Variants in CAST observed in about 807,000 individuals in gnomAD.
The protein encoded by CAST is calpastatin, also known as MIR583 host.
A neutral mutation model predicts 119.6 loss-of-function variants in CAST; 76 were observed. The observed-to-expected ratio is 0.64, with a 90% CI of 0.53 to 0.77. The LOEUF (loss-of-function observed/expected upper bound fraction) is 0.77, where lower values mean the gene tolerates loss of function less well. CAST is among the 30% of genes least tolerant of loss of function. The probability of loss-of-function intolerance (pLI) is 0.00; values close to 1 mark genes in which losing one functional copy is unlikely to be tolerated. For synonymous variants in CAST, 319 were observed against 331.6 expected, an observed-to-expected ratio of 0.96 and a Z score of 0.41; for missense variants, 953 against 946.5, an observed-to-expected ratio of 1.01 and a Z score of -0.09.
In CAST at chr5:96,726,708, T is replaced by C; in HGVS notation, c.271-86T>C. 6 of 870,424 alleles carry C rather than the reference T, an allele frequency of 6.9e-6. No individual in the cohort carries two copies. In the South Asian group the frequency reaches 9.6e-5, roughly 14 times the overall value. The allele number at this position is 870,424 out of a possible 1,614,324, so 53.9% of individuals were successfully genotyped here. ...ATGCAATAGATGAATAGAATTGATA[T>C]AATCATTTTAACCCTTTTTGTACAT... On this transcript the variant is annotated intron_variant, in intron 4 of 31. Coordinates refer to ENST00000675179, the MANE Select transcript of CAST (RefSeq NM_001750.7).
the CAST span, among the ~76,000 whole-genome samples, chr5:96,474,271 G>T: frequency 4.6e-5 from 7 of 152,096 alleles, no homozygotes; most frequent in African/African-American, 1.7e-4. Flanking sequence ...TGCCACCACA[G>T]CTAAGCACTG....
the CAST span, among the ~76,000 whole-genome samples, chr5:96,199,446 A>G: frequency 5.9e-5 from 9 of 152,186 alleles, no homozygotes; most frequent in Admixed American, 3.9e-4. Flanking sequence ...GACCGAACAC[A>G]GCTTAAATAT....
the CAST span, among the ~76,000 whole-genome samples, chr5:96,223,000 A>T: frequency 6.6e-6 from 1 of 152,254 alleles, no homozygotes; most frequent in East Asian, 1.9e-4. Context: ...AGTGAAATAA[A>T]CCAGGCATGG....
At chr5:96,559,931 G>A (rs1194085639) in intron 1 of CAST, among the ~76,000 whole-genome samples, 8 of 152,166 alleles carry the variant, frequency 5.3e-5, no homozygotes, top group South Asian at 4.1e-4. Flanking sequence ...AGCTGGAGGC[G>A]TCACACTACC....
At chr5:96,508,872 T>C in the CAST span, among the ~76,000 whole-genome samples, 7 of 152,336 alleles carry the variant, frequency 4.6e-5, no homozygotes, top group Non-Finnish European at 1.0e-4. Context: ...AATATTGCCT[T>C]TGCTACTTCC....
the CAST span, among the ~76,000 whole-genome samples, chr5:96,270,834 T>C: frequency 6.4e-4 from 97 of 151,614 alleles, no homozygotes; most frequent in African/African-American, 2.4e-3. Flanking sequence ...GTAACAAACC[T>C]GCACATCCTG....
chr5:96,655,430 T>A (rs993217275), intron 1 of CAST, among the ~76,000 whole-genome samples: 1 of 152,216 alleles, frequency 6.6e-6, no homozygotes, highest in Non-Finnish European at 1.5e-5. Flanking sequence ...ACCTATTCTT[T>A]ATCTTCTCTG....
In CAST at chr5:96,741,477, TG is replaced by T; in HGVS notation, c.1012-16del. ...TTCCTCATCTGTAAGTCTAATCTTTTGTATTTTGTTTTTCAGGAATCTACAG... is the reference window on the plus strand; with the variant it reads ...TTCCTCATCTGTAAGTCTAATCTTTTTATTTTGTTTTTCAGGAATCTACAG... On this transcript the variant is annotated splice_polypyrimidine_tract_variant and intron_variant, in intron 14 of 31. Coordinates refer to ENST00000675179, the MANE Select transcript of CAST (RefSeq NM_001750.7). The T allele has an allele frequency of 6.3e-7, 1 of 1,594,922 alleles. No individual in the cohort carries two copies. Among genetic ancestry groups the T allele is most frequent in the Non-Finnish European group, 8.6e-7 (1 of 1,163,256 alleles).
the CAST span, among the ~76,000 whole-genome samples, chr5:96,443,678 C>T: frequency 1.3e-5 from 2 of 152,206 alleles, no homozygotes; most frequent in Non-Finnish European, 2.9e-5. Flanking sequence ...CCTAAGCCCA[C>T]AGATTGTGAT....
chr5:96,273,981 G>T, the CAST span, among the ~76,000 whole-genome samples: 1 of 152,094 alleles, frequency 6.6e-6, no homozygotes, highest in Non-Finnish European at 1.5e-5. Context: ...CCTGGGAGAG[G>T]ACACACCTGA....
At chr5:96,522,426 T>A (rs1263229283), upstream of CAST, among the ~76,000 whole-genome samples, 1 of 152,196 alleles carries the variant, frequency 6.6e-6, no homozygotes, top group African/African-American at 2.4e-5. Flanking sequence ...TGTTTGTTTC[T>A]TCTAGGCAAA....
At chr5:96,525,845 G>A (rs1374115205), upstream of CAST, among the ~76,000 whole-genome samples, 5 of 152,186 alleles carry the variant, frequency 3.3e-5, no homozygotes, top group East Asian at 1.9e-4. Flanking sequence ...TCTTCCAAAG[G>A]TGGATAAACC....
chr5:96,274,399 G>T, the CAST span, among the ~76,000 whole-genome samples: 2 of 151,824 alleles, frequency 1.3e-5, no homozygotes, highest in African/African-American at 4.8e-5. Context: ...ACAGCTCCCA[G>T]CCTAGAGCCC....
At chr5:96,597,636 G>A (rs1035486676) in intron 1 of CAST, among the ~76,000 whole-genome samples, 6 of 152,150 alleles carry the variant, frequency 3.9e-5, no homozygotes, top group African/African-American at 1.2e-4. Context: ...CATCCTACCC[G>A]TGATGAACTT....
chr5:96,694,406 G>A (rs1271338576), intron 2 of CAST, among the ~76,000 whole-genome samples: 1 of 152,194 alleles, frequency 6.6e-6, no homozygotes, highest in African/African-American at 2.4e-5. Context: ...GGGAGGCTGA[G>A]GCAGGCAGAT....
At chr5:96,738,840 C>T (rs137981118) in intron 11 of CAST, among the ~76,000 whole-genome samples, 1,544 of 150,526 alleles carry the variant, frequency 0.01, 19 homozygotes, top group Non-Finnish European at 0.017. Flanking sequence ...GAGGCTGAGG[C>T]AGGAGAACTG....
chr5:96,660,155 C>T (rs1385896692), upstream of CAST, among the ~76,000 whole-genome samples: 1 of 152,184 alleles, frequency 6.6e-6, no homozygotes, highest in Non-Finnish European at 1.5e-5. Context: ...TCCGCTCCAG[C>T]CAGGTGAGTG....
chr5:96,468,810 T>C, the CAST span, among the ~76,000 whole-genome samples: 1 of 152,078 alleles, frequency 6.6e-6, no homozygotes, highest in Non-Finnish European at 1.5e-5. Flanking sequence ...ATCTTCCCCT[T>C]CTGTCTGACA....
At chr5:96,650,478 C>G (rs1176693299) in intron 1 of CAST, among the ~76,000 whole-genome samples, 1 of 152,154 alleles carries the variant, frequency 6.6e-6, no homozygotes, top group Non-Finnish European at 1.5e-5. Flanking sequence ...CCTGTCTTAT[C>G]CTGATGACTA....
Sources: gnomAD v4.1 joint callset for allele counts (sites outside exome capture counted in the v4.1 genomes callset) on GRCh38, gnomAD v4.1.1 for gene constraint, MANE v1.5 for transcripts, NCBI Gene and HGNC (gene_info 2026-07-23, HGNC 2026-07-21) for gene names.